The following ROBO2 variants were observed in gnomAD, a reference collection of about 807,000 sequenced individuals.
ROBO2 encodes roundabout guidance receptor 2, also known as roundabout homolog 2.
A neutral mutation model predicts 160.8 loss-of-function variants in ROBO2; 53 were observed. That is an observed-to-expected ratio of 0.33 (90% CI 0.26 to 0.41). ROBO2 has a LOEUF of 0.41. Ranked by LOEUF, ROBO2 falls within the 10% of genes least tolerant of loss-of-function variation. ROBO2 has a pLI of 1.00. For synonymous variants in ROBO2, 664 were observed against 611.7 expected (o/e 1.09, Z -1.26); for missense variants, 1,577 against 1,722.4 (o/e 0.92, Z 1.49).
intron 2 of ROBO2, among the ~76,000 whole-genome samples, chr3:77,386,408 C>T (rs948728280): frequency 2.6e-5 from 4 of 151,932 alleles, no homozygotes; most frequent in South Asian, 2.1e-4. Flanking sequence ...TCTTTTAGCA[C>T]GTTAGGTATA....
intron 2 of ROBO2, among the ~76,000 whole-genome samples, chr3:77,438,031 TAGG>T (rs928461555): frequency 7.2e-5 from 11 of 152,000 alleles, no homozygotes; most frequent in African/African-American, 1.9e-4. Context: ...ACATGATTAA[TAGG>T]AGGTTTTTAC....
chr3:76,454,581 T>G (rs920578458), intron 2 of ROBO2, among the ~76,000 whole-genome samples: 29 of 152,136 alleles, frequency 1.9e-4, no homozygotes, highest in Admixed American at 5.2e-4. Flanking sequence ...TGAACAACTA[T>G]TTAACTTCCC....
intron 2 of ROBO2, among the ~76,000 whole-genome samples, chr3:77,211,732 C>A (rs375986051): frequency 2.3e-4 from 35 of 152,140 alleles, no homozygotes; most frequent in Admixed American, 1.1e-3. Flanking sequence ...TCTTTAATCC[C>A]TCTTGAATTA....
intron 2 of ROBO2, among the ~76,000 whole-genome samples, chr3:76,947,812 T>C (rs143353506): frequency 0.01 from 1,585 of 152,318 alleles, 25 homozygotes; most frequent in African/African-American, 0.037. Flanking sequence ...TACTTTTTAC[T>C]TCAAGTTCTG....
rs1048160251 is a variant in ROBO2 at position 77,133,797 on chromosome 3, A to G, written c.388+35457A>G. On this transcript the variant is annotated intron_variant, in intron 2 of 25. Coordinates refer to ENST00000461745, the Ensembl canonical transcript of ROBO2. Reference sequence around the variant, plus strand: ...ATAGTAATTTTTAGTGTCCTACCATATTTGTTTGTTATATATGTTGGGAGA... The same window carrying G: ...ATAGTAATTTTTAGTGTCCTACCATGTTTGTTTGTTATATATGTTGGGAGA... Among the ~76,000 whole-genome samples the G allele has an allele frequency of 2.8e-4, 42 of 152,240 alleles. 1 individual carries two copies. Among genetic ancestry groups the G allele is most frequent in the African/African-American group, 1.0e-3 (42 of 41,544 alleles).
chr3:76,202,156 T>C (rs2107259783), intron 2 of ROBO2, among the ~76,000 whole-genome samples: 1 of 152,298 alleles, frequency 6.6e-6, no homozygotes, highest in South Asian at 2.1e-4. Context: ...CACAATATTT[T>C]CCACATATAT....
intron 2 of ROBO2, among the ~76,000 whole-genome samples, chr3:77,476,745 A>G (rs2153584702): frequency 6.6e-6 from 1 of 152,218 alleles, no homozygotes; most frequent in South Asian, 2.1e-4. Flanking sequence ...TCCTTAATGA[A>G]AGGAGGGAAA....
intron 2 of ROBO2, among the ~76,000 whole-genome samples, chr3:77,337,983 C>T (rs1443334278): frequency 1.3e-5 from 2 of 152,094 alleles, no homozygotes; most frequent in South Asian, 2.1e-4. Context: ...TGTTTCATTT[C>T]AGCATCCTTG....
intron 2 of ROBO2, among the ~76,000 whole-genome samples, chr3:76,645,013 C>G (rs1357331906): frequency 6.6e-6 from 1 of 152,100 alleles, no homozygotes; most frequent in Non-Finnish European, 1.5e-5. Context: ...GAAATTACAG[C>G]AAGAAATCAA....
intron 2 of ROBO2, among the ~76,000 whole-genome samples, chr3:76,115,307 A>G (rs2070419147): frequency 1.3e-5 from 2 of 152,170 alleles, no homozygotes; most frequent in South Asian, 2.1e-4. Flanking sequence ...GCAACAGCAG[A>G]TATGATCCAA....
chr3:76,252,758 TACACAC>T (rs113177987), intron 2 of ROBO2, among the ~76,000 whole-genome samples: 6,478 of 53,560 alleles, frequency 0.12, 398 homozygotes, highest in African/African-American at 0.19. Context: ...TGTATATGTA[TACACAC>T]ACACACACAC....
At chr3:77,544,439 C>T (rs1339083233) in intron 6 of ROBO2, among the ~76,000 whole-genome samples, 1 of 152,054 alleles carries the variant, frequency 6.6e-6, no homozygotes, top group Non-Finnish European at 1.5e-5. Flanking sequence ...AAGAAAATGT[C>T]ATTTAGTAGA....
At chr3:75,926,794 C>A (rs1947311304) in intron 1 of ROBO2, among the ~76,000 whole-genome samples, 1 of 152,140 alleles carries the variant, frequency 6.6e-6, no homozygotes, top group African/African-American at 2.4e-5. Flanking sequence ...TTTTTAAGTT[C>A]ACTAATTTGA....
At chr3:76,574,093 A>G (rs530422779) in intron 2 of ROBO2, among the ~76,000 whole-genome samples, 3 of 152,250 alleles carry the variant, frequency 2.0e-5, no homozygotes, top group Non-Finnish European at 4.4e-5. Context: ...TTTAATACAC[A>G]TTATTTTCCG....
At chr3:77,390,091 G>A (rs1271986357) in intron 2 of ROBO2, among the ~76,000 whole-genome samples, 1 of 152,140 alleles carries the variant, frequency 6.6e-6, no homozygotes, top group Non-Finnish European at 1.5e-5. Flanking sequence ...GTCATTATGG[G>A]GAAGTGGGAT....
chr3:76,313,901 A>G (rs1483847548), intron 2 of ROBO2, among the ~76,000 whole-genome samples: 1 of 152,144 alleles, frequency 6.6e-6, no homozygotes, highest in Non-Finnish European at 1.5e-5. Flanking sequence ...TTATTGGGGC[A>G]GGCTTGGGGA....
chr3:76,700,301 T>C (rs1379293341), intron 2 of ROBO2, among the ~76,000 whole-genome samples: 3 of 152,134 alleles, frequency 2.0e-5, no homozygotes, highest in African/African-American at 7.2e-5. Flanking sequence ...TTACTTTATA[T>C]TACTCAAATA....
At chr3:77,277,157 CTTCTTTCTTTCTTTCTTTCT>C (rs758551962) in intron 2 of ROBO2, among the ~76,000 whole-genome samples, 1 of 88,214 alleles carries the variant, frequency 1.1e-5, no homozygotes, top group African/African-American at 4.4e-5. Flanking sequence ...TCCTTCTTTC[CTTCTTTCTTTCTTTCTTTCT>C]TTCTTTCTTT....
chr3:76,199,611 C>T (rs1370992579), intron 2 of ROBO2, among the ~76,000 whole-genome samples: 2 of 152,012 alleles, frequency 1.3e-5, no homozygotes, highest in Non-Finnish European at 2.9e-5. Context: ...AAAATAGAAA[C>T]CTGACCCACA....
Sources: gnomAD v4.1 joint callset for allele counts (sites outside exome capture counted in the v4.1 genomes callset) on GRCh38, gnomAD v4.1.1 for gene constraint, MANE v1.5 for transcripts, NCBI Gene and HGNC (gene_info 2026-07-23, HGNC 2026-07-21) for gene names.